WNK1: variants seen among roughly 807,000 people sequenced by gnomAD.
WNK1 encodes serine/threonine-protein kinase WNK1.
In WNK1, 38 loss-of-function variants were observed where a neutral mutation model predicts 222.8. The observed-to-expected ratio is 0.17, with a 90% CI of 0.13 to 0.22. The LOEUF is 0.22. WNK1 is among the 10% of genes least tolerant of loss of function. The pLI is 1.00. For missense variants in WNK1, 2,348 were observed against 2,918.4 expected, an observed-to-expected ratio of 0.80 and a Z score of 4.50; for synonymous variants, 1,090 against 1,092.9, an observed-to-expected ratio of 1.00 and a Z score of 0.05.
chr12:845,468 G>T (rs924277197), intron 4 of WNK1, among the ~76,000 whole-genome samples: 3 of 152,058 alleles, frequency 2.0e-5, no homozygotes, highest in African/African-American at 7.2e-5. Context: ...TGTAGATTTA[G>T]TACTAACTTA....
chr12:755,054 C>T (rs1456439705), intron 1 of WNK1, among the ~76,000 whole-genome samples: 2 of 152,154 alleles, frequency 1.3e-5, no homozygotes, highest in South Asian at 2.1e-4. Flanking sequence ...GCTGAACTTT[C>T]CCAAGAGTCC....
chr12:862,016 T>C (rs966827132), intron 7 of WNK1, 67 bp from the exon 8 acceptor site: 1 of 1,592,262 alleles, frequency 6.3e-7, no homozygotes. Context: ...TATGAGAAAA[T>C]GTGAACCTCC....
chr12:755,948 G>A (rs1441087197), intron 1 of WNK1, among the ~76,000 whole-genome samples: 2 of 152,206 alleles, frequency 1.3e-5, no homozygotes, highest in Admixed American at 6.5e-5. Context: ...GCACTGCAGC[G>A]TGGTGACAGA....
At chr12:870,849 C>G (rs1248552969) in intron 8 of WNK1, among the ~76,000 whole-genome samples, 1 of 152,160 alleles carries the variant, frequency 6.6e-6, no homozygotes, top group Non-Finnish European at 1.5e-5. Flanking sequence ...TGTGGCACTA[C>G]AAGAAGTATT....
intron 1 of WNK1, among the ~76,000 whole-genome samples, chr12:785,428 C>CTT (rs1944196942): frequency 9.6e-6 from 1 of 104,398 alleles, no homozygotes; most frequent in African/African-American, 3.8e-5. Flanking sequence ...GAAGTGGAGT[C>CTT]TTGCTCTGTC....
intron 25 of WNK1, among the ~76,000 whole-genome samples, chr12:898,459 G>A (rs544135168): frequency 1.5e-4 from 22 of 148,914 alleles, no homozygotes; most frequent in South Asian, 6.4e-4. Flanking sequence ...CTCCAGCCTC[G>A]GTGACAGAGC....
rs770846984 is a variant in WNK1, at chr12:884,370, T to C, written c.3844+127T>C. 1 of 1,419,876 alleles carries C rather than the reference T, an allele frequency of 7.0e-7. No individual in the cohort carries two copies. The highest frequency in any genetic ancestry group is 9.8e-7 in the Non-Finnish European group (1 of 1,019,372). 88.0% of individuals were successfully genotyped at this position (1,419,876 alleles called of 1,614,324 possible). A position where few individuals can be genotyped will look rare whatever the true frequency, so the allele number is the denominator to read the frequency against. The stretch of plus-strand genomic sequence containing the variant: ...AAAAAAGAATAGAAAACTGAAGTTA[T>C]AACCAACAGATAAACATATGGGAGA... On this transcript the variant is annotated intron_variant, in intron 18 of 27. Transcript: ENST00000315939. This position sits in a 1 kb window ranked among gnomAD's most constrained non-coding sequence, Gnocchi z 5.6.
At chr12:764,649 A>AG (rs1175702503) in intron 1 of WNK1, among the ~76,000 whole-genome samples, 1 of 144,566 alleles carries the variant, frequency 6.9e-6, no homozygotes, top group Non-Finnish European at 1.5e-5. Flanking sequence ...AAAAAAAAAA[A>AG]AAAAAGAAAG....
At position 894,582 on chromosome 12, in the gene WNK1, C is replaced by T. The variant is rs769345308; in HGVS notation, c.5530C>T (p.Pro1844Ser). Residue 1844 changes from proline (P) to serine (S), a missense_variant, in exon 23 of 28, where the codon CCT becomes TCT. Physicochemically the swap from Pro to Ser is moderately conservative, Grantham distance 74. Transcript: ENST00000315939. ...TTCAGTTTCTCAAGTCAAAGAAGGCCCTGTCCTAGCAACTAGTTCAGGAGC... is the reference window on the plus strand; with the variant it reads ...TTCAGTTTCTCAAGTCAAAGAAGGCTCTGTCCTAGCAACTAGTTCAGGAGC... Reference protein sequence around the residue: ...QKGVSQVKEGPVLATSSGAGV... With the variant: ...QKGVSQVKEGSVLATSSGAGV... The T allele has an allele frequency of 4.3e-6, 7 of 1,613,766 alleles. No individual in the cohort carries two copies. The highest frequency in any genetic ancestry group is 5.9e-6 in the Non-Finnish European group (7 of 1,179,946).
intron 4 of WNK1, among the ~76,000 whole-genome samples, chr12:855,550 G>A (rs1008716620): frequency 3.9e-5 from 6 of 152,074 alleles, no homozygotes; most frequent in African/African-American, 1.2e-4. Flanking sequence ...CACTAATTTT[G>A]TTTTACCATA....
At chr12:850,047 T>C (rs1950304213) in intron 4 of WNK1, among the ~76,000 whole-genome samples, 1 of 152,220 alleles carries the variant, frequency 6.6e-6, no homozygotes, top group Non-Finnish European at 1.5e-5. Context: ...TGTGTCTTTA[T>C]AGCAGCATGA....
intron 1 of WNK1, among the ~76,000 whole-genome samples, chr12:771,294 G>A (rs997748974): frequency 1.3e-5 from 2 of 151,968 alleles, no homozygotes; most frequent in African/African-American, 4.8e-5. Flanking sequence ...ACTATGCCCG[G>A]CGCTTTATAT....
intron 22 of WNK1, among the ~76,000 whole-genome samples, chr12:891,959 T>C (rs1342940496): frequency 1.3e-5 from 2 of 150,738 alleles, no homozygotes; most frequent in African/African-American, 4.9e-5. Context: ...CAAAAAAATG[T>C]ATAGGTCAAT....
Position 879,579 on chromosome 12 carries a change from G to A in WNK1, c.2380G>A (p.Val794Ile), listed in dbSNP as rs1952958524. ...PQVSAGKQLP[V>I]SQPVPTIQGE... ...TTTTTCTTTACCTTCCCAGCTTCCAGTTTCCCAGCCAGTACCAACTATCCA... is the reference window on the plus strand; with the variant it reads ...TTTTTCTTTACCTTCCCAGCTTCCAATTTCCCAGCCAGTACCAACTATCCA... Residue 794 changes from valine to isoleucine, a missense_variant, in exon 11 of 28, where the codon GTT becomes ATT. Coordinates refer to ENST00000315939, the MANE Select transcript of WNK1 (RefSeq NM_018979.4). The A allele has an allele frequency of 7.2e-7, 1 of 1,393,232 alleles. No individual in the cohort carries two copies. The highest frequency in any genetic ancestry group is 1.7e-5 in the African/African-American group (1 of 59,218). The allele number at this position is 1,393,232 out of a possible 1,614,324, so 86.3% of individuals were successfully genotyped here.
intron 25 of WNK1, 43 bp downstream of exon 25, chr12:897,724 T>C (rs757339077): frequency 3.1e-6 from 5 of 1,592,844 alleles, no homozygotes; most frequent in Non-Finnish European, 4.3e-6. Flanking sequence ...GTCCTATCTT[T>C]TGTTTCTGTC....
Position 885,194 on chromosome 12 carries a change from A to G in WNK1, c.4390A>G (p.Thr1464Ala). ...SATSASAGGSTATPGPKPPAV... is the reference protein window; with the variant it reads ...SATSASAGGSAATPGPKPPAV... Reference sequence around the variant, plus strand: ...AACTTCAGCCTCTGCAGGGGGCAGTACTGCTACCCCAGGTCCTAAGCCTCC... The same window carrying G: ...AACTTCAGCCTCTGCAGGGGGCAGTGCTGCTACCCCAGGTCCTAAGCCTCC... The change falls in exon 19 of 28, where the codon ACT becomes GCT. Residue 1464 changes from threonine (T) to alanine (A), a missense_variant. Coordinates refer to ENST00000315939, the MANE Select transcript of WNK1 (RefSeq NM_018979.4). The G allele has an allele frequency of 1.9e-6, 3 of 1,614,164 alleles. No individual in the cohort carries two copies. The highest frequency in any genetic ancestry group is 2.5e-6 in the Non-Finnish European group (3 of 1,180,010).
intron 26 of WNK1, among the ~76,000 whole-genome samples, chr12:905,916 G>A (rs1299259778): frequency 6.6e-6 from 1 of 152,114 alleles, no homozygotes; most frequent in African/African-American, 2.4e-5. Flanking sequence ...TTGCCATAGC[G>A]GTAAGAAGCA....
Position 879,859 on chromosome 12 carries a change from G to A in WNK1, c.2660G>A (p.Gly887Glu), listed in dbSNP as rs1403898430. The change falls in exon 11 of 28, where the codon GGG becomes GAG. Residue 887 changes from glycine to glutamate, a missense_variant. Physicochemically the swap from Gly to Glu is moderately conservative, Grantham distance 98. Around this residue, in one of 13 missense-constraint regions of WNK1, gnomAD observed 547 missense variants for 558.3 expected, o/e 0.98. Transcript: ENST00000315939. ...TCTGCTACAACAGCTGCGATCCCGG[G>A]GGTATCAACTGTGGTTCCTAGTCAG... ...ASSATTAAIP[G>E]VSTVVPSQLP... The A allele has an allele frequency of 6.2e-7, 1 of 1,614,092 alleles. No individual in the cohort carries two copies. The highest frequency in any genetic ancestry group is 2.2e-5 in the East Asian group (1 of 44,876).
chr12:786,469 C>CTTT (rs71051383), intron 1 of WNK1, among the ~76,000 whole-genome samples: 6 of 139,658 alleles, frequency 4.3e-5, no homozygotes, highest in East Asian at 2.1e-4. Context: ...TCTATCTTCC[C>CTTT]TTTTTTTTTT....
Sources: gnomAD v4.1 joint callset for allele counts (sites outside exome capture counted in the v4.1 genomes callset) on GRCh38, gnomAD v4.1.1 for gene constraint, gnomAD v4.1.1 regional missense constraint, Gnocchi (gnomAD v3.1) non-coding constraint, MANE v1.5 for transcripts, NCBI Gene and HGNC (gene_info 2026-07-23, HGNC 2026-07-21) for gene names.